NALF1: variants seen among roughly 807,000 people sequenced by gnomAD.
The protein encoded by NALF1 is NALCN channel auxiliary factor 1.
Under a neutral mutation model 48.4 loss-of-function variants are expected in NALF1, and 3 were observed. The observed-to-expected ratio is 0.06, with a 90% CI of 0.03 to 0.16. The LOEUF (loss-of-function observed/expected upper bound fraction) is 0.16, where lower values mean the gene tolerates loss of function less well. Ranked by LOEUF, NALF1 falls within the 10% of genes least tolerant of loss-of-function variation. The probability of loss-of-function intolerance (pLI) is 1.00; values close to 1 mark genes in which losing one functional copy is unlikely to be tolerated. For synonymous variants in NALF1, 262 were observed against 245.7 expected (o/e 1.07, Z -0.62); for missense variants, 526 against 571.5 (o/e 0.92, Z 0.81).
chr13:107,557,291 T>C (rs369888114), intron 1 of NALF1, among the ~76,000 whole-genome samples: 29 of 152,178 alleles, frequency 1.9e-4, no homozygotes, highest in Admixed American at 6.5e-4. Context: ...ACAGTCCATG[T>C]TGAATTCTTA....
chr13:107,316,230 T>TC (rs1882147262), intron 1 of NALF1, among the ~76,000 whole-genome samples: 1 of 152,190 alleles, frequency 6.6e-6, no homozygotes. Flanking sequence ...CATGAAATCA[T>TC]CATTTTTTAT....
At chr13:107,734,697 A>G (rs1436348243) in intron 1 of NALF1, among the ~76,000 whole-genome samples, 1 of 152,182 alleles carries the variant, frequency 6.6e-6, no homozygotes, top group Non-Finnish European at 1.5e-5. Flanking sequence ...TCTTATTCAT[A>G]AAGTACAGAT....
intron 1 of NALF1, among the ~76,000 whole-genome samples, chr13:107,611,158 AAAAAAAATGTCAGTCTGTCT>A (rs1321294007): frequency 6.6e-6 from 1 of 151,978 alleles, no homozygotes; most frequent in African/African-American, 2.4e-5. Flanking sequence ...GCAGTCCTTT[AAAAAAAATGTCAGTCTGTCT>A]CAGCTGTGCT....
At chr13:107,517,994 T>G (rs77658760) in intron 1 of NALF1, among the ~76,000 whole-genome samples, 2 of 151,956 alleles carry the variant, frequency 1.3e-5, no homozygotes, top group African/African-American at 4.8e-5. Context: ...AAAACGTAGT[T>G]TGGAGTACAG....
chr13:107,863,293 A>G (rs1016624569), intron 1 of NALF1, among the ~76,000 whole-genome samples: 5 of 152,168 alleles, frequency 3.3e-5, no homozygotes, highest in African/African-American at 1.2e-4. Flanking sequence ...GGCATAGTTT[A>G]TATGTGAATG....
intron 1 of NALF1, among the ~76,000 whole-genome samples, chr13:107,256,400 G>A (rs948171337): frequency 6.6e-6 from 1 of 152,122 alleles, no homozygotes; most frequent in Admixed American, 6.5e-5. Flanking sequence ...ATATAGATCA[G>A]GGCTTGACTT....
chr13:107,398,593 G>A (rs770613682), intron 1 of NALF1, among the ~76,000 whole-genome samples: 10 of 151,992 alleles, frequency 6.6e-5, no homozygotes, highest in Admixed American at 2.0e-4. Context: ...TTTCATGTGT[G>A]GTTGTTCCCA....
At chr13:107,175,366 C>G (rs1215007450) in intron 2 of NALF1, among the ~76,000 whole-genome samples, 1 of 152,016 alleles carries the variant, frequency 6.6e-6, no homozygotes, top group Non-Finnish European at 1.5e-5. Flanking sequence ...TTGTCAATAC[C>G]TGACTCTGGA....
intron 1 of NALF1, among the ~76,000 whole-genome samples, chr13:107,487,471 T>G (rs1885347819): frequency 6.6e-6 from 1 of 152,184 alleles, no homozygotes; most frequent in Non-Finnish European, 1.5e-5. Flanking sequence ...TACATTAGGG[T>G]GTGCACCACA....
At chr13:107,478,913 C>G (rs979148212) in intron 1 of NALF1, among the ~76,000 whole-genome samples, 29 of 152,040 alleles carry the variant, frequency 1.9e-4, no homozygotes, top group Non-Finnish European at 4.4e-5. Context: ...TGTGCTTGTT[C>G]CAGATCCTAA....
chr13:107,271,811 TATA>T (rs569102709), intron 1 of NALF1, among the ~76,000 whole-genome samples: 4,762 of 96,562 alleles, frequency 0.049, 267 homozygotes, highest in East Asian at 0.17. Context: ...TATATATATA[TATA>T]TATTTATATA....
intron 1 of NALF1, among the ~76,000 whole-genome samples, chr13:107,632,004 CAT>C (rs1345350719): frequency 6.6e-6 from 1 of 152,134 alleles, no homozygotes; most frequent in African/African-American, 2.4e-5. Flanking sequence ...TCATCCTCCA[CAT>C]GTCATAGTCT....
chr13:107,359,509 T>A (rs1883023769), intron 1 of NALF1, among the ~76,000 whole-genome samples: 1 of 152,134 alleles, frequency 6.6e-6, no homozygotes, highest in Non-Finnish European at 1.5e-5. Context: ...TTAATAGATA[T>A]TAAAGAAATA....
intron 1 of NALF1, among the ~76,000 whole-genome samples, chr13:107,759,242 T>C (rs1877199262): frequency 1.3e-5 from 2 of 152,212 alleles, no homozygotes; most frequent in Non-Finnish European, 2.9e-5. Context: ...ATAGTCTTGC[T>C]CTGTCACCCA....
intron 1 of NALF1, among the ~76,000 whole-genome samples, chr13:107,540,504 A>G (rs1044316672): frequency 6.6e-6 from 1 of 152,126 alleles, no homozygotes; most frequent in East Asian, 1.9e-4. Flanking sequence ...TTTTATATGT[A>G]TGTATATATG....
At chr13:107,852,975 T>C (rs1880355364) in intron 1 of NALF1, among the ~76,000 whole-genome samples, 1 of 152,200 alleles carries the variant, frequency 6.6e-6, no homozygotes, top group Non-Finnish European at 1.5e-5. Context: ...TCTTGTCCCA[T>C]GCATTTCAAA....
intron 1 of NALF1, among the ~76,000 whole-genome samples, chr13:107,469,154 T>TA (rs971283122): frequency 1.3e-5 from 2 of 152,072 alleles, no homozygotes; most frequent in African/African-American, 4.8e-5. Context: ...AAATCAGTCA[T>TA]AAAAAAAGGT....
rs1225841177 is a variant in NALF1 at position 107,362,587 on chromosome 13, C to T, written c.916-151832G>A. Among the ~76,000 whole-genome samples, 1 of 152,084 alleles carries T rather than the reference C, an allele frequency of 6.6e-6. No individual in the cohort carries two copies. On this transcript the variant is annotated intron_variant, in intron 1 of 2. Transcript: ENST00000375915. The surrounding 1 kb of genome is among the most constrained non-coding windows in gnomAD (Gnocchi z 4.6). ...GACACCAGTCACACTGGATTAGCGC[C>T]CACCCTAATGACCTCATCTTAATCA...
chr13:107,249,681 T>G (rs886613302), intron 1 of NALF1, among the ~76,000 whole-genome samples: 3 of 152,176 alleles, frequency 2.0e-5, no homozygotes, highest in Non-Finnish European at 4.4e-5. Flanking sequence ...ACTTTTATTT[T>G]GTACTCTAAC....
Sources: gnomAD v4.1 joint callset for allele counts (sites outside exome capture counted in the v4.1 genomes callset) on GRCh38, gnomAD v4.1.1 for gene constraint, Gnocchi (gnomAD v3.1) non-coding constraint, MANE v1.5 for transcripts, NCBI Gene and HGNC (gene_info 2026-07-23, HGNC 2026-07-21) for gene names.